The following ATP8B4 variants were observed in gnomAD, a reference collection of about 807,000 sequenced individuals.
ATP8B4 encodes the protein probable phospholipid-transporting ATPase IM.
ATP8B4 carries 133 observed loss-of-function variants against 145.6 expected under a neutral mutation model. The observed-to-expected ratio is 0.91, with a 90% CI of 0.79 to 1.05. The LOEUF (loss-of-function observed/expected upper bound fraction) is 1.05. Ranked by LOEUF, ATP8B4 falls within the 50% of genes least tolerant of loss-of-function variation. The pLI, the probability that ATP8B4 is intolerant of heterozygous loss-of-function variation, is 0.00. For missense variants in ATP8B4, 1,458 were observed against 1,425.2 expected (o/e 1.02, Z -0.37); for synonymous variants, 507 against 492.9 (o/e 1.03, Z -0.38).
chr15:50,020,269 TG>T (rs1312794471), intron 6 of ATP8B4, among the ~76,000 whole-genome samples: 4 of 146,578 alleles, frequency 2.7e-5, no homozygotes, highest in African/African-American at 5.1e-5. Context: ...ATGAGTTTTT[TG>T]TTTTTTTTTT....
chr15:49,972,493 T>G, intron 13 of ATP8B4, 89 bp downstream of exon 13: 8 of 1,272,110 alleles, frequency 6.3e-6, no homozygotes, highest in Non-Finnish European at 8.7e-6. Flanking sequence ...CCAGCGACTG[T>G]TTTGGATTTT....
intron 15 of ATP8B4, among the ~76,000 whole-genome samples, chr15:49,932,411 G>T (rs958159890): frequency 7.9e-5 from 12 of 151,970 alleles, no homozygotes; most frequent in African/African-American, 2.9e-4. Context: ...TAATACAATA[G>T]ACATGAATGA....
At chr15:50,152,873 G>T (rs771612162) in intron 1 of ATP8B4, among the ~76,000 whole-genome samples, 1 of 152,154 alleles carries the variant, frequency 6.6e-6, no homozygotes, top group African/African-American at 2.4e-5. Flanking sequence ...GTAATATTTT[G>T]TGGAGGTTTT....
At chr15:50,179,936 G>A (rs2044820136) in intron 1 of ATP8B4, among the ~76,000 whole-genome samples, 1 of 152,126 alleles carries the variant, frequency 6.6e-6, no homozygotes, top group Non-Finnish European at 1.5e-5. Flanking sequence ...TGGATCCCAG[G>A]CTCAAAGCTG....
intron 14 of ATP8B4, 36 bp downstream of exon 14, chr15:49,961,941 A>G: frequency 6.5e-7 from 1 of 1,534,340 alleles, no homozygotes; most frequent in Non-Finnish European, 8.9e-7. Flanking sequence ...ATAATTTGAA[A>G]TTAAAACTAA....
At chr15:49,924,430 C>T (rs901226829) in intron 16 of ATP8B4, among the ~76,000 whole-genome samples, 2 of 152,140 alleles carry the variant, frequency 1.3e-5, no homozygotes, top group African/African-American at 4.8e-5. Flanking sequence ...TCATAGGCTT[C>T]ATCAGTTCAG....
At chr15:49,866,942 C>G (rs916747443) in intron 25 of ATP8B4, among the ~76,000 whole-genome samples, 2 of 152,134 alleles carry the variant, frequency 1.3e-5, no homozygotes, top group Non-Finnish European at 2.9e-5. Flanking sequence ...CTTTTTTACA[C>G]CAATATCCCA....
rs2044766125 is a variant in ATP8B4, at chr15:50,176,593, G to A, written c.-43+5668C>T. Among the ~76,000 whole-genome samples, 3 of 152,188 alleles carry A rather than the reference G, an allele frequency of 2.0e-5. No homozygotes were observed. The South Asian group carries it at 6.2e-4, about 32-fold the overall frequency. ...TAAAATCCAAAAAAGAGTACATTGT[G>A]ACTGGGATGGAGAGTATGTGTGTTG... On this transcript the variant is annotated intron_variant, in intron 1 of 3. Transcript: ENST00000558829.
intron 20 of ATP8B4, among the ~76,000 whole-genome samples, chr15:49,910,721 G>A (rs2039141072): frequency 6.6e-6 from 1 of 152,108 alleles, no homozygotes; most frequent in Admixed American, 6.5e-5. Context: ...ACAGTATCTG[G>A]AAGTCAAGAA....
chr15:50,025,600 T>C (rs1021339828), intron 6 of ATP8B4, among the ~76,000 whole-genome samples: 1 of 152,208 alleles, frequency 6.6e-6, no homozygotes, highest in Non-Finnish European at 1.5e-5. Flanking sequence ...AAAGAATCCA[T>C]TCCTAAACTG....
At chr15:50,160,118 A>G (rs1166749549) in intron 1 of ATP8B4, among the ~76,000 whole-genome samples, 1 of 141,998 alleles carries the variant, frequency 7.0e-6, no homozygotes, top group Non-Finnish European at 1.5e-5. Flanking sequence ...GCATGGTTAA[A>G]TCTTGGTAGG....
chr15:50,169,652 A>G (rs2044643200), intron 1 of ATP8B4, among the ~76,000 whole-genome samples: 2 of 152,238 alleles, frequency 1.3e-5, no homozygotes, highest in South Asian at 2.1e-4. Flanking sequence ...ACACTAGTTC[A>G]CCAGCAATGA....
chr15:50,144,150 G>A (rs1378185623), intron 1 of ATP8B4, among the ~76,000 whole-genome samples: 3 of 152,136 alleles, frequency 2.0e-5, no homozygotes, highest in Non-Finnish European at 4.4e-5. Context: ...GTGGAAAATC[G>A]ATTTAGAGGA....
At chr15:49,963,104 C>T (rs58652941) in intron 13 of ATP8B4, among the ~76,000 whole-genome samples, 242 of 151,900 alleles carry the variant, frequency 1.6e-3, no homozygotes, top group African/African-American at 5.4e-3. Context: ...AAAATGTGGG[C>T]AAAGGACATG....
intron 1 of ATP8B4, among the ~76,000 whole-genome samples, chr15:50,172,871 C>T (rs1223934466): frequency 9.3e-5 from 14 of 150,782 alleles, no homozygotes; most frequent in Admixed American, 3.3e-4. Flanking sequence ...TCTGACCGGC[C>T]GCCCCGTCTG....
intron 25 of ATP8B4, among the ~76,000 whole-genome samples, chr15:49,875,586 G>A (rs1338441711): frequency 6.6e-6 from 1 of 152,184 alleles, no homozygotes; most frequent in Non-Finnish European, 1.5e-5. Context: ...TATAATCTCA[G>A]CCACCTGGAG....
At chr15:49,868,553 G>A (rs2033176951) in intron 25 of ATP8B4, among the ~76,000 whole-genome samples, 1 of 152,158 alleles carries the variant, frequency 6.6e-6, no homozygotes, top group Admixed American at 6.5e-5. Flanking sequence ...GAGTAATAAT[G>A]TATGAGGGCA....
intron 3 of ATP8B4, among the ~76,000 whole-genome samples, chr15:50,070,373 G>A (rs1388158709): frequency 1.3e-5 from 2 of 152,032 alleles, no homozygotes; most frequent in East Asian, 3.9e-4. Flanking sequence ...CTAGCTCATA[G>A]GGTTGTTGTA....
At position 49,972,569 on chromosome 15, in the gene ATP8B4, C is replaced by G. The variant is rs766058318; in HGVS notation, c.1243+13G>C. On this transcript the variant is annotated intron_variant, in intron 13 of 27. Transcript: ENST00000284509. ...TAACAATATCGTTAAGAGAAAGGAACTGTTTCTCTTACCATAGATTCTCCC... is the reference window on the plus strand; with the variant it reads ...TAACAATATCGTTAAGAGAAAGGAAGTGTTTCTCTTACCATAGATTCTCCC... 5 of 1,602,242 alleles carry G rather than the reference C, an allele frequency of 3.1e-6. No homozygotes were observed. Among genetic ancestry groups the G allele is most frequent in the Middle Eastern group, 3.3e-4 (2 of 6,042 alleles).
Sources: gnomAD v4.1 joint callset for allele counts (sites outside exome capture counted in the v4.1 genomes callset) on GRCh38, gnomAD v4.1.1 for gene constraint, MANE v1.5 for transcripts, NCBI Gene and HGNC (gene_info 2026-07-23, HGNC 2026-07-21) for gene names.